The following ASXL1 variants were observed in gnomAD, a reference collection of about 807,000 sequenced individuals.
ASXL1 encodes the protein ASXL transcriptional regulator 1.
ASXL1 carries 65 observed loss-of-function variants against 89.1 expected under a neutral mutation model. The observed-to-expected ratio is 0.73, with a 90% CI of 0.60 to 0.90. The LOEUF is 0.90. ASXL1 is among the 40% of genes least tolerant of loss of function. The probability of loss-of-function intolerance (pLI) is 0.00; values close to 1 mark genes in which losing one functional copy is unlikely to be tolerated. For missense variants in ASXL1, 1,786 were observed against 1,942.9 expected (o/e 0.92, Z 1.52); for synonymous variants, 739 against 746.9 (o/e 0.99, Z 0.17).
Position 32,433,634 on chromosome 20 carries a change from C to T in ASXL1, c.1436C>T (p.Pro479Leu), listed in dbSNP as rs2123262988. The T allele has an allele frequency of 8.1e-6, 13 of 1,612,780 alleles. No individual in the cohort carries two copies. Among genetic ancestry groups the T allele is most frequent in the Non-Finnish European group, 1.0e-5 (12 of 1,178,892 alleles). ...TCTGCAGCACCCGACCTGGAGGGTC[C>T]CGAATTCCCAGTTGAGTCTGTGGCT... is the stretch of plus-strand genomic sequence containing the variant. ...TSSAAPDLEG[P>L]EFPVESVASR... The change falls in exon 12 of 13, where the codon CCC (proline) becomes CTC (leucine). Residue 479 changes from proline to leucine, a missense_variant. Pro to Leu is a moderately conservative substitution (Grantham distance 98). Around this residue, in one of 3 missense-constraint regions of ASXL1, gnomAD observed 1,418 missense variants for 1,427.8 expected, o/e 0.99. Transcript: ENST00000375687.
rs1338852673 is a variant in ASXL1, at chr20:32,399,745, CTCTTTTTTTTTT to C, written c.253-28381_253-28370del. ...ATTTTTAAAAATCTCACATATTTTACTCTTTTTTTTTTTTTTTTTTTTTTTTTTTTTTTAAAG... is the reference window on the plus strand; with the variant it reads ...ATTTTTAAAAATCTCACATATTTTACTTTTTTTTTTTTTTTTTTTTTAAAG... On this transcript the variant is annotated intron_variant, in intron 4 of 12. Transcript: ENST00000375687. 2.7e-4 allele frequency among the ~76,000 whole-genome samples: 18 copies of C among 66,598 alleles called. 1 individual carries two copies. Among genetic ancestry groups the C allele is most frequent in the East Asian group, 2.3e-3 (4 of 1,774 alleles). The allele number at this position is 66,598 out of a possible 152,430, so 43.7% of individuals were successfully genotyped here.
intron 4 of ASXL1, among the ~76,000 whole-genome samples, chr20:32,401,550 T>TTTC (rs1555907089): frequency 9.2e-5 from 12 of 129,960 alleles, no homozygotes; most frequent in African/African-American, 2.7e-4. Flanking sequence ...GTGTGTTTTT[T>TTTC]CCCCCCCCCC....
chr20:32,359,799 A>G (rs1318287267), intron 1 of ASXL1: 2 of 717,896 alleles, frequency 2.8e-6, no homozygotes, highest in Non-Finnish European at 5.2e-6. Context: ...CAGGTGAAAT[A>G]GCTTCCTTTT....
Position 32,358,801 on chromosome 20 carries a change from A to C in ASXL1, c.26A>C (p.Lys9Thr). ...ATGAAGGACAAACAGAAGAAGAAGA[A>C]GGAGCGCACGTGGGCCGAGGCCGCG... MKDKQKKK[K>T]ERTWAEAARL... The change falls in exon 1 of 13, where the codon AAG becomes ACG. Residue 9 changes from lysine to threonine, a missense_variant. Physicochemically the swap from Lys to Thr is moderately conservative, Grantham distance 78 (BLOSUM62 -1). Around this residue, in one of 3 missense-constraint regions of ASXL1, gnomAD observed 332 missense variants for 449.7 expected, o/e 0.74. Coordinates refer to ENST00000375687, the MANE Select transcript of ASXL1 (RefSeq NM_015338.6). 6.6e-7 allele frequency: 1 copy of C among 1,509,364 alleles called. No individual in the cohort carries two copies. The highest frequency in any genetic ancestry group is 2.0e-4 in the Middle Eastern group (1 of 4,916). The allele number at this position is 1,509,364 out of a possible 1,614,324, so 93.5% of individuals were successfully genotyped here.
Position 32,437,637 on chromosome 20 carries a change from A to C in ASXL1, c.*299A>C. ...TTGCGGGGGGTGGGGGGACTGCCTG[A>C]CTCCCAGAGGGACTTGAAACTGAAG... On this transcript the variant is annotated 3_prime_UTR_variant, in exon 13 of 13. Coordinates refer to ENST00000375687, the MANE Select transcript of ASXL1 (RefSeq NM_015338.6). 1 of 462,842 alleles carries C rather than the reference A, an allele frequency of 2.2e-6. No individual in the cohort carries two copies. Among genetic ancestry groups the C allele is most frequent in the Non-Finnish European group, 3.9e-6 (1 of 256,176 alleles). The allele number at this position is 462,842 out of a possible 1,614,324, so 28.7% of individuals were successfully genotyped here.
At chr20:32,419,824 C>T (rs532721989) in intron 4 of ASXL1, among the ~76,000 whole-genome samples, 4 of 151,838 alleles carry the variant, frequency 2.6e-5, no homozygotes, top group South Asian at 2.1e-4. Flanking sequence ...GGATTACAGG[C>T]GTGCGCTACC....
At position 32,420,726 on chromosome 20, in the gene ASXL1, C is replaced by T. The variant is rs559997333; in HGVS notation, c.253-7402C>T. ...TCAAAATGTATTTGTAAAAGGAATACGTACTCATCATCAGTATTAAAAAGG... is the reference window on the plus strand; with the variant it reads ...TCAAAATGTATTTGTAAAAGGAATATGTACTCATCATCAGTATTAAAAAGG... On this transcript the variant is annotated intron_variant, in intron 4 of 12. Coordinates refer to ENST00000375687, the MANE Select transcript of ASXL1 (RefSeq NM_015338.6). Among the ~76,000 whole-genome samples, 11 of 151,964 alleles carry T rather than the reference C, an allele frequency of 7.2e-5. No homozygotes were observed. In the East Asian group the frequency reaches 7.7e-4, roughly 11 times the overall value.
intron 1 of ASXL1, 49 bp downstream of exon 1, chr20:32,358,881 G>A (rs1280248097): frequency 1.4e-6 from 2 of 1,435,374 alleles, no homozygotes; most frequent in South Asian, 1.4e-5. Flanking sequence ...GGTGGGGGGG[G>A]CTCGCCGCGC....
rs2011586885 is a variant in ASXL1 at position 32,433,335 on chromosome 20, G to A, written c.1137G>A (p.Glu379=). 1 of 1,614,058 alleles carries A rather than the reference G, an allele frequency of 6.2e-7. No homozygotes were observed. The highest frequency in any genetic ancestry group is 2.2e-5 in the East Asian group (1 of 44,896). The part of the protein sequence containing the change: ...ESLQQNVGQE[E]AEIKSGLCVP... ...TGCAGCAGAACGTGGGCCAGGAGGA[G>A]GCTGAAATCAAAAGTGGCTTGTGTG... Residue 379 remains glutamate (E), a synonymous_variant, in exon 12 of 13, where the codon GAG becomes GAA. Transcript: ENST00000375687.
intron 4 of ASXL1, among the ~76,000 whole-genome samples, chr20:32,424,646 A>C (rs537516264): frequency 3.3e-5 from 5 of 152,352 alleles, no homozygotes; most frequent in Admixed American, 3.3e-4. Context: ...TTTTTTAAAA[A>C]AGATGATAGA....
chr20:32,430,278 G>T (rs552534315), intron 8 of ASXL1: 2 of 607,256 alleles, frequency 3.3e-6, no homozygotes, highest in African/African-American at 3.7e-5. Flanking sequence ...ACTGTTTCTC[G>T]TATGTCCCTG....
intron 4 of ASXL1, among the ~76,000 whole-genome samples, chr20:32,392,347 A>G (rs181265620): frequency 1.3e-5 from 2 of 150,406 alleles, no homozygotes; most frequent in East Asian, 3.9e-4. Flanking sequence ...CAGTGGCGCA[A>G]TCTTGGCTCA....
At chr20:32,407,589 G>A (rs1275560442) in intron 4 of ASXL1, among the ~76,000 whole-genome samples, 1 of 152,028 alleles carries the variant, frequency 6.6e-6, no homozygotes. Context: ...TCAGTCTCTT[G>A]AGTAGCTGGG....
chr20:32,398,675 T>C (rs2048813900), intron 4 of ASXL1, among the ~76,000 whole-genome samples: 1 of 147,274 alleles, frequency 6.8e-6, no homozygotes, highest in Admixed American at 6.9e-5. Flanking sequence ...AGTGGCGGGA[T>C]CTCGGCTCAC....
intron 4 of ASXL1, among the ~76,000 whole-genome samples, chr20:32,386,511 G>A (rs1031490118): frequency 6.6e-6 from 1 of 151,806 alleles, no homozygotes; most frequent in African/African-American, 2.4e-5. Context: ...TCCACCTCCC[G>A]AGTTTAAGTA....
intron 4 of ASXL1, among the ~76,000 whole-genome samples, chr20:32,377,153 A>G (rs1055023157): frequency 6.3e-5 from 9 of 143,818 alleles, no homozygotes; most frequent in African/African-American, 2.0e-4. Flanking sequence ...TATTATACAG[A>G]TATCTATAAA....
In ASXL1 at chr20:32,435,835, C is replaced by T; in HGVS notation, c.3123C>T (p.Ala1041=). ...KDEKPNWNQS[A]PLSKVNGDMR... ...AGAAACCCAATTGGAACCAATCTGCCCCACTGTCCAAGGTGAATGGTGACA... is the reference window on the plus strand; with the variant it reads ...AGAAACCCAATTGGAACCAATCTGCTCCACTGTCCAAGGTGAATGGTGACA... Residue 1041 remains alanine (A), a synonymous_variant, in exon 13 of 13, where the codon GCC becomes GCT. Transcript: ENST00000375687. The T allele has an allele frequency of 1.2e-6, 2 of 1,614,126 alleles. No homozygotes were observed. The highest frequency in any genetic ancestry group is 1.6e-4 in the Middle Eastern group (1 of 6,062).
At chr20:32,423,269 G>C (rs1012259058) in intron 4 of ASXL1, among the ~76,000 whole-genome samples, 1 of 151,128 alleles carries the variant, frequency 6.6e-6, no homozygotes, top group Non-Finnish European at 1.5e-5. Flanking sequence ...TCACTCTGTC[G>C]CCCTGGCTGA....
intron 4 of ASXL1, among the ~76,000 whole-genome samples, chr20:32,399,071 A>G (rs1221762812): frequency 3.3e-4 from 50 of 151,806 alleles, no homozygotes; most frequent in Admixed American, 2.9e-3. Context: ...TTAGTCAGGC[A>G]TGGTGGCGGG....
Sources: allele counts gnomAD v4.1 joint callset (sites outside exome capture counted in the v4.1 genomes callset), GRCh38; gene constraint gnomAD v4.1.1; regional missense constraint gnomAD v4.1.1; transcripts MANE v1.5; gene names NCBI Gene and HGNC (gene_info 2026-07-23, HGNC 2026-07-21).